CELF2: variants seen among roughly 807,000 people sequenced by gnomAD.
CELF2 encodes the protein CUGBP Elav-like family member 2.
In CELF2, 8 loss-of-function variants were observed where a neutral mutation model predicts 62.6. The observed-to-expected ratio is 0.13, with a 90% CI of 0.07 to 0.23. The LOEUF (loss-of-function observed/expected upper bound fraction) is 0.23. Ranked by LOEUF, CELF2 falls within the 10% of genes least tolerant of loss-of-function variation. The pLI is 1.00. For missense variants in CELF2, 333 were observed against 671.0 expected (o/e 0.50, Z 5.56); for synonymous variants, 258 against 250.0 (o/e 1.03, Z -0.30).
chr10:11,248,948 T>A (rs778852263), intron 3 of CELF2, among the ~76,000 whole-genome samples: 1 of 152,244 alleles, frequency 6.6e-6, no homozygotes, highest in Non-Finnish European at 1.5e-5. Context: ...ATGTTCTGTG[T>A]TACAGGGCCC....
the CELF2 span, among the ~76,000 whole-genome samples, chr10:10,639,747 T>C: frequency 1.3e-5 from 2 of 152,210 alleles, no homozygotes; most frequent in Admixed American, 1.3e-4. Flanking sequence ...AATTCTGTTT[T>C]ATTTTGGCAA....
chr10:10,521,085 G>T, the CELF2 span, among the ~76,000 whole-genome samples: 1 of 152,198 alleles, frequency 6.6e-6, no homozygotes, highest in Non-Finnish European at 1.5e-5. Flanking sequence ...AGCAGGGTCA[G>T]CACTGAGCAA....
intron 3 of CELF2, among the ~76,000 whole-genome samples, chr10:11,240,338 A>G (rs1014666758): frequency 2.6e-5 from 4 of 152,238 alleles, no homozygotes; most frequent in Non-Finnish European, 4.4e-5. Context: ...CGTTTTATAG[A>G]TTCCAGTGTA....
intron 3 of CELF2, among the ~76,000 whole-genome samples, chr10:11,240,095 T>TA (rs1230889913): frequency 1.3e-5 from 2 of 152,174 alleles, no homozygotes; most frequent in African/African-American, 2.4e-5. Context: ...TCGTGATATG[T>TA]AAAAGAACAA....
the CELF2 span, among the ~76,000 whole-genome samples, chr10:10,616,580 T>A: frequency 6.6e-6 from 1 of 151,848 alleles, no homozygotes; most frequent in Non-Finnish European, 1.5e-5. Flanking sequence ...CATTATGCAC[T>A]CAAGACACTT....
At chr10:10,984,374 G>T (rs2052499189) in intron 2 of CELF2, among the ~76,000 whole-genome samples, 1 of 152,182 alleles carries the variant, frequency 6.6e-6, no homozygotes, top group Admixed American at 6.5e-5. Flanking sequence ...TAGCTATTTT[G>T]CTTTGACTAC....
intron 1 of CELF2, chr10:11,092,331 CAA>C (rs1329758963): frequency 7.9e-5 from 12 of 152,292 alleles, no homozygotes; most frequent in Non-Finnish European, 1.6e-4. Context: ...AAAACACAAA[CAA>C]GAGGTTGTTG....
At chr10:11,073,559 C>T (rs2070833564) in intron 1 of CELF2, among the ~76,000 whole-genome samples, 1 of 152,202 alleles carries the variant, frequency 6.6e-6, no homozygotes, top group African/African-American at 2.4e-5. Flanking sequence ...TTTGCTGGCA[C>T]CTACTATATG....
At chr10:11,320,435 G>A (rs746354189) in intron 10 of CELF2, among the ~76,000 whole-genome samples, 8 of 152,192 alleles carry the variant, frequency 5.3e-5, no homozygotes, top group Admixed American at 1.3e-4. Context: ...ATGCGTGCAC[G>A]CACAGAATAA....
chr10:11,275,152 C>T (rs575289238), intron 8 of CELF2, 32 bp downstream of exon 8: 15 of 1,609,118 alleles, frequency 9.3e-6, no homozygotes, highest in African/African-American at 4.0e-5. Flanking sequence ...TCCTTTTGAC[C>T]GTGCTATTGT....
the CELF2 span, among the ~76,000 whole-genome samples, chr10:10,660,137 C>A: frequency 6.6e-6 from 1 of 152,146 alleles, no homozygotes; most frequent in African/African-American, 2.4e-5. Context: ...AAAAGAATTT[C>A]ATCAGGAACC....
intron 1 of CELF2, among the ~76,000 whole-genome samples, chr10:11,109,803 A>G (rs1313662489): frequency 1.3e-5 from 2 of 152,180 alleles, no homozygotes; most frequent in Non-Finnish European, 2.9e-5. Context: ...TCCTGCATGC[A>G]CATGGTTTAT....
At chr10:11,193,239 GCTGTC>G (rs2076657058) in intron 2 of CELF2, among the ~76,000 whole-genome samples, 1 of 152,106 alleles carries the variant, frequency 6.6e-6, no homozygotes, top group Non-Finnish European at 1.5e-5. Context: ...CTTCTCCAGG[GCTGTC>G]ATTGCTTCCT....
At chr10:10,911,419 T>C (rs892912021) in intron 1 of CELF2, among the ~76,000 whole-genome samples, 1 of 152,052 alleles carries the variant, frequency 6.6e-6, no homozygotes, top group African/African-American at 2.4e-5. Context: ...ACTCCCCAAG[T>C]GAAAATGAAA....
intron 1 of CELF2, among the ~76,000 whole-genome samples, chr10:10,821,203 G>T (rs573094622): frequency 1.3e-5 from 2 of 152,198 alleles, no homozygotes; most frequent in Admixed American, 1.3e-4. Flanking sequence ...AGCGTCCAAG[G>T]TACCTCTAAT....
chr10:10,782,110 T>G, the CELF2 span, among the ~76,000 whole-genome samples: 1 of 152,210 alleles, frequency 6.6e-6, no homozygotes, highest in Non-Finnish European at 1.5e-5. Flanking sequence ...CCTCCAATTT[T>G]GGTATTCATG....
At chr10:10,879,941 C>T (rs2061347084) in intron 1 of CELF2, among the ~76,000 whole-genome samples, 1 of 152,186 alleles carries the variant, frequency 6.6e-6, no homozygotes, top group African/African-American at 2.4e-5. Flanking sequence ...TGACATCTAA[C>T]CTCTTGAGTA....
intron 1 of CELF2, among the ~76,000 whole-genome samples, chr10:11,037,511 C>A (rs560068437): frequency 6.6e-6 from 1 of 152,320 alleles, no homozygotes; most frequent in South Asian, 2.1e-4. Context: ...TCCTCAGTCT[C>A]AGTAGCCTGG....
In CELF2 at chr10:11,039,500, ACG is replaced by A. The variant is rs1345663406; in HGVS notation, c.74+21338_74+21339del. Among the ~76,000 whole-genome samples, 1 of 152,004 alleles carries A rather than the reference ACG, an allele frequency of 6.6e-6. No homozygotes were observed. The highest frequency in any genetic ancestry group is 2.4e-5 in the African/African-American group (1 of 41,270). The stretch of plus-strand genomic sequence containing the variant: ...CAGTGTGTACTCAAAGTACCTTAAA[ACG>A]AGTTCAGAGTTAATTATTTACTTCA... On this transcript the variant is annotated intron_variant, in intron 1 of 12. Transcript: ENST00000633077. The surrounding 1 kb of genome is among the most constrained non-coding windows in gnomAD (Gnocchi z 4.1).
Sources: gnomAD v4.1 joint callset for allele counts (sites outside exome capture counted in the v4.1 genomes callset) on GRCh38, gnomAD v4.1.1 for gene constraint, Gnocchi (gnomAD v3.1) non-coding constraint, MANE v1.5 for transcripts, NCBI Gene and HGNC (gene_info 2026-07-23, HGNC 2026-07-21) for gene names.